Variants in RHOBTB1 observed in about 807,000 individuals in gnomAD.
RHOBTB1 encodes the protein Rho related BTB domain containing 1, also known as rho-related BTB domain-containing protein 1.
A neutral mutation model predicts 71.6 loss-of-function variants in RHOBTB1; 40 were observed. The observed-to-expected ratio is 0.56, with a 90% confidence interval of 0.43 to 0.73. The LOEUF (loss-of-function observed/expected upper bound fraction) is 0.73. Among genes scored for constraint, RHOBTB1 ranks in the 30% least tolerant of loss-of-function variants. RHOBTB1 has a pLI of 0.00. For synonymous variants in RHOBTB1, 319 were observed against 334.9 expected, an observed-to-expected ratio of 0.95 and a Z score of 0.52; for missense variants, 797 against 894.0, an observed-to-expected ratio of 0.89 and a Z score of 1.38.
intron 1 of RHOBTB1, among the ~76,000 whole-genome samples, chr10:60,988,584 C>T (rs914259819): frequency 1.1e-4 from 16 of 151,970 alleles, no homozygotes; most frequent in African/African-American, 3.4e-4. Context: ...GTGATAATTC[C>T]CTTAGGATGA....
rs114886957 is a variant in RHOBTB1 at position 60,910,036 on chromosome 10, C to G, written c.296+851G>C. Among the ~76,000 whole-genome samples, 864 of 152,204 alleles carry G rather than the reference C, an allele frequency of 5.7e-3. 5 individuals carry two copies. Among genetic ancestry groups the G allele is most frequent in the African/African-American group, 0.02 (837 of 41,520 alleles). On this transcript the variant is annotated intron_variant, in intron 4 of 10. Coordinates refer to ENST00000337910, the MANE Select transcript of RHOBTB1 (RefSeq NM_014836.5). The stretch of plus-strand genomic sequence containing the variant: ...TAATTCACGTGCTTGGAGTACCTAA[C>G]TAATAAAATCCTGTAAGGTGATATG...
At chr10:60,889,366 A>C (rs1177392235) in intron 5 of RHOBTB1, among the ~76,000 whole-genome samples, 181 bp from the exon 6 acceptor site, 1 of 152,258 alleles carries the variant, frequency 6.6e-6, no homozygotes, top group Non-Finnish European at 1.5e-5. Flanking sequence ...ATTGAAGGAA[A>C]AAATAATGCT....
chr10:60,949,044 T>C (rs2085327223), upstream of RHOBTB1, among the ~76,000 whole-genome samples: 1 of 152,150 alleles, frequency 6.6e-6, no homozygotes, highest in Non-Finnish European at 1.5e-5. Context: ...CTCCAGCTAG[T>C]GATGACAAAC....
chr10:60,935,282 T>A (rs1199518802), intron 2 of RHOBTB1, among the ~76,000 whole-genome samples: 1 of 152,074 alleles, frequency 6.6e-6, no homozygotes, highest in African/African-American at 2.4e-5. Context: ...CAGGCAAAAC[T>A]AATTTATGGT....
At chr10:61,000,489 AAGAAGC>A (rs2087223167) in intron 1 of RHOBTB1, among the ~76,000 whole-genome samples, 1 of 152,150 alleles carries the variant, frequency 6.6e-6, no homozygotes, top group Non-Finnish European at 1.5e-5. Flanking sequence ...AAGGCACATA[AAGAAGC>A]AGTCAATTTC....
chr10:60,970,338 C>A (rs2086111552), intron 2 of RHOBTB1, among the ~76,000 whole-genome samples: 1 of 152,044 alleles, frequency 6.6e-6, no homozygotes, highest in African/African-American at 2.4e-5. Flanking sequence ...CTAAACCCTG[C>A]TCTCTTCAGG....
At chr10:60,918,481 T>C (rs2083386027) in intron 2 of RHOBTB1, among the ~76,000 whole-genome samples, 1 of 152,162 alleles carries the variant, frequency 6.6e-6, no homozygotes, top group Non-Finnish European at 1.5e-5. Flanking sequence ...ACTCAATAAC[T>C]CAGGGCACTG....
chr10:60,959,515 A>G (rs2085708860), intron 2 of RHOBTB1, among the ~76,000 whole-genome samples: 1 of 152,190 alleles, frequency 6.6e-6, no homozygotes, highest in Non-Finnish European at 1.5e-5. Flanking sequence ...CAGCAGTGCT[A>G]GTGGATGTTG....
chr10:60,947,229 C>A (rs139183152), upstream of RHOBTB1, among the ~76,000 whole-genome samples: 4 of 152,288 alleles, frequency 2.6e-5, no homozygotes, highest in Non-Finnish European at 2.9e-5. Flanking sequence ...AAAATCATTG[C>A]TTGCTGATAG....
chr10:60,985,933 A>G (rs531950672), exon 2 of RHOBTB1: 49 of 152,280 alleles, frequency 3.2e-4, no homozygotes, highest in African/African-American at 1.1e-3. Flanking sequence ...GTGCTTCTTG[A>G]TTATTATAAA....
At chr10:60,955,908 A>G (rs1378608798) in intron 2 of RHOBTB1, among the ~76,000 whole-genome samples, 2 of 152,192 alleles carry the variant, frequency 1.3e-5, no homozygotes, top group African/African-American at 4.8e-5. Flanking sequence ...TTAATTATTA[A>G]TTTTCTCACT....
At chr10:60,932,480 C>T (rs2084312430) in intron 2 of RHOBTB1, among the ~76,000 whole-genome samples, 1 of 128,472 alleles carries the variant, frequency 7.8e-6, no homozygotes, top group South Asian at 2.6e-4. Context: ...GCATACATTT[C>T]TCTATGTGTT....
intron 4 of RHOBTB1, among the ~76,000 whole-genome samples, chr10:60,895,413 T>C (rs1040508070): frequency 6.4e-4 from 98 of 152,352 alleles, no homozygotes; most frequent in African/African-American, 2.3e-3. Flanking sequence ...TTTTATTTAT[T>C]TATTTTTTGA....
intron 4 of RHOBTB1, among the ~76,000 whole-genome samples, chr10:60,901,085 C>T (rs2082393718): frequency 6.6e-6 from 1 of 152,186 alleles, no homozygotes; most frequent in Non-Finnish European, 1.5e-5. Flanking sequence ...CTCTATTGCA[C>T]AGACCATCTT....
At chr10:60,979,976 T>C (rs907626019) in intron 2 of RHOBTB1, among the ~76,000 whole-genome samples, 7 of 152,036 alleles carry the variant, frequency 4.6e-5, no homozygotes, top group African/African-American at 1.7e-4. Flanking sequence ...TATAGTAGAA[T>C]GGGAGAGGGA....
At chr10:60,947,929 C>T (rs1236798784), upstream of RHOBTB1, among the ~76,000 whole-genome samples, 1 of 150,744 alleles carries the variant, frequency 6.6e-6, no homozygotes, top group Non-Finnish European at 1.5e-5. Flanking sequence ...TTCACATTTC[C>T]ACCAGTAATG....
chr10:60,914,513 C>A (rs2083168463), intron 2 of RHOBTB1, among the ~76,000 whole-genome samples: 1 of 151,938 alleles, frequency 6.6e-6, no homozygotes, highest in African/African-American at 2.4e-5. Flanking sequence ...TAGAGCCAAT[C>A]CCTAAAATTT....
intron 2 of RHOBTB1, among the ~76,000 whole-genome samples, chr10:60,932,513 T>TAAAAAAAAAAAAAA: frequency 9.3e-6 from 1 of 107,962 alleles, no homozygotes; most frequent in Non-Finnish European, 1.8e-5. Context: ...TTTCTTAAAG[T>TAAAAAAAAAAAAAA]AAAAAAAAAA....
At chr10:60,959,125 A>G (rs2085694955) in intron 2 of RHOBTB1, among the ~76,000 whole-genome samples, 1 of 152,182 alleles carries the variant, frequency 6.6e-6, no homozygotes, top group African/African-American at 2.4e-5. Context: ...TATGTTCAAG[A>G]GATACAAATA....
Sources: allele counts gnomAD v4.1 joint callset (sites outside exome capture counted in the v4.1 genomes callset), GRCh38; gene constraint gnomAD v4.1.1; transcripts MANE v1.5; gene names NCBI Gene and HGNC (gene_info 2026-07-23, HGNC 2026-07-21).